MYO5C: variants seen among roughly 807,000 people sequenced by gnomAD.
MYO5C encodes myosin VC.
In MYO5C, 194 loss-of-function variants were observed where a neutral mutation model predicts 235.7. That is an observed-to-expected ratio of 0.82 (90% CI 0.73 to 0.93). MYO5C has a LOEUF of 0.93. Among genes scored for constraint, MYO5C ranks in the 40% least tolerant of loss-of-function variants. The probability of loss-of-function intolerance (pLI) is 0.00; values close to 1 mark genes in which losing one functional copy is unlikely to be tolerated. For missense variants in MYO5C, 2,038 were observed against 2,127.2 expected, an observed-to-expected ratio of 0.96 and a Z score of 0.82; for synonymous variants, 707 against 754.8, an observed-to-expected ratio of 0.94 and a Z score of 1.04.
chr15:52,271,847 G>A lies in MYO5C; in HGVS notation c.751-3C>T. ...TGGTAATTTCGTTCATTTTCCGACT[G>A]TAAGATAAAGAAATGTCCTCAAAAT... On this transcript the variant is annotated splice_polypyrimidine_tract_variant and splice_region_variant and intron_variant, in intron 6 of 40. Transcript: ENST00000261839. The A allele has an allele frequency of 6.3e-7, 1 of 1,577,512 alleles. No homozygotes were observed. Among genetic ancestry groups the A allele is most frequent in the Non-Finnish European group, 8.7e-7 (1 of 1,154,636 alleles).
intron 20 of MYO5C, 97 bp downstream of exon 20, chr15:52,241,951 A>T: frequency 7.6e-7 from 1 of 1,321,788 alleles, no homozygotes; most frequent in Non-Finnish European, 1.0e-6. Flanking sequence ...GTACAAAGTG[A>T]GGTTGCCCAT....
intron 31 of MYO5C, among the ~76,000 whole-genome samples, chr15:52,219,063 G>T (rs768029156): frequency 2.0e-5 from 3 of 152,228 alleles, no homozygotes; most frequent in African/African-American, 4.8e-5. Context: ...TCAGACAGAA[G>T]AGAGGAGGAG....
chr15:52,216,814 G>A (rs1173131608), intron 32 of MYO5C, among the ~76,000 whole-genome samples: 1 of 152,090 alleles, frequency 6.6e-6, no homozygotes, highest in Non-Finnish European at 1.5e-5. Flanking sequence ...TACAATTTAG[G>A]GTGGGCTGTA....
intron 23 of MYO5C, among the ~76,000 whole-genome samples, chr15:52,234,279 G>A (rs1405605501): frequency 6.6e-6 from 1 of 152,244 alleles, no homozygotes; most frequent in Admixed American, 6.5e-5. Flanking sequence ...GTAAAGGTTG[G>A]TGCTATTCAC....
chr15:52,224,841 T>C (rs2035782799), intron 28 of MYO5C, 60 bp downstream of exon 28: 6 of 1,441,750 alleles, frequency 4.2e-6, no homozygotes, highest in Non-Finnish European at 4.8e-6. Context: ...CTTTGGACTT[T>C]CCAATAGTCT....
At chr15:52,264,741 T>C (rs1027378120) in intron 8 of MYO5C, among the ~76,000 whole-genome samples, 2 of 152,222 alleles carry the variant, frequency 1.3e-5, no homozygotes, top group Admixed American at 6.5e-5. Context: ...GGACTTGGTA[T>C]AAACCAAGGC....
chr15:52,223,703 C>A lies in MYO5C; in HGVS notation c.3468G>T (p.Gln1156His). ...CCTTTTCATAGCAATCCTTCTGAGACTGGAAATGGCTCTCCAAAACACTAT... is the reference window on the plus strand; with the variant it reads ...CCTTTTCATAGCAATCCTTCTGAGAATGGAAATGGCTCTCCAAAACACTAT... ...KATRVLESHF[Q>H]SQKDCYEKEI... The change falls in exon 29 of 41, where the codon CAG becomes CAT. Residue 1156 changes from glutamine (Q) to histidine (H), a missense_variant. Gln to His is a conservative substitution (Grantham distance 24). Transcript: ENST00000261839. 2 of 1,613,938 alleles carry A rather than the reference C, an allele frequency of 1.2e-6. No homozygotes were observed. Among genetic ancestry groups the A allele is most frequent in the Middle Eastern group, 3.3e-4 (2 of 6,062 alleles).
chr15:52,241,921 T>G (rs2036233156), intron 20 of MYO5C, 127 bp downstream of exon 20: 1 of 1,087,080 alleles, frequency 9.2e-7, no homozygotes, highest in Non-Finnish European at 1.3e-6. Context: ...GAATCTCCTT[T>G]CTGGCTTGGC....
intron 32 of MYO5C, among the ~76,000 whole-genome samples, chr15:52,216,344 A>T (rs2035551638): frequency 6.6e-6 from 1 of 152,164 alleles, no homozygotes. Flanking sequence ...CCTCCTGAGT[A>T]GCCAGAGCTA....
At chr15:52,269,421 CTT>C (rs1414195074) in intron 8 of MYO5C, among the ~76,000 whole-genome samples, 1 of 108,292 alleles carries the variant, frequency 9.2e-6, no homozygotes, top group African/African-American at 3.5e-5. Context: ...AAGAGAGAGT[CTT>C]GATCTGTTGC....
At chr15:52,246,103 CA>C in intron 16 of MYO5C, 61 bp from the exon 17 acceptor site, 1 of 1,326,438 alleles carries the variant, frequency 7.5e-7, no homozygotes, top group South Asian at 1.2e-5. Flanking sequence ...TGCCCATAAA[CA>C]GGCACAGCAG....
intron 38 of MYO5C, among the ~76,000 whole-genome samples, chr15:52,203,282 T>C (rs138703587): frequency 1.4e-3 from 216 of 152,000 alleles, no homozygotes; most frequent in African/African-American, 5.0e-3. Context: ...GAGAATAGGG[T>C]ATCCATTTCC....
At position 52,247,604 on chromosome 15, in the gene MYO5C, A is replaced by C. The variant is rs773902006; in HGVS notation, c.1747-12T>G. Reference sequence around the variant, plus strand: ...GCACAGAGATGAAACTGGAAGGAACAGAGAGGATCTCAATGTCCAAAAGCA... The same window carrying C: ...GCACAGAGATGAAACTGGAAGGAACCGAGAGGATCTCAATGTCCAAAAGCA... On this transcript the variant is annotated splice_polypyrimidine_tract_variant and intron_variant, in intron 14 of 40. Transcript: ENST00000261839. 1.2e-6 allele frequency: 2 copies of C among 1,613,720 alleles called. No homozygotes were observed. The highest frequency in any genetic ancestry group is 1.7e-6 in the Non-Finnish European group (2 of 1,179,860).
chr15:52,251,586 A>G, intron 12 of MYO5C, 71 bp from the exon 13 acceptor site: 1 of 1,297,172 alleles, frequency 7.7e-7, no homozygotes. Context: ...AAAAGCACTA[A>G]TTCTAAGAAA....
In MYO5C at chr15:52,229,215, T is replaced by C. The variant is rs1450445712; in HGVS notation, c.3125A>G (p.Gln1042Arg). 5.0e-6 allele frequency: 8 copies of C among 1,614,138 alleles called. No individual in the cohort carries two copies. The Admixed American group carries it at 1.2e-4, about 24-fold the overall frequency. The stretch of plus-strand genomic sequence containing the variant: ...CTCCCCCTCCACCAGGTGTTGGAGT[T>C]GCATCTTCTCATCCTTGAGAGCTTT... ...EIKALKDEKMQLQHLVEGEHV... is the reference protein window; with the variant it reads ...EIKALKDEKMRLQHLVEGEHV... Residue 1042 changes from glutamine to arginine, a missense_variant, in exon 25 of 41, where the codon CAA becomes CGA. Transcript: ENST00000261839.
rs561628879 is a variant in MYO5C at position 52,245,328 on chromosome 15, T to C, written c.2178+26A>G. 3 of 1,447,992 alleles carry C rather than the reference T, an allele frequency of 2.1e-6. No homozygotes were observed. In the South Asian group the frequency reaches 3.4e-5, roughly 17 times the overall value. The allele number at this position is 1,447,992 out of a possible 1,614,324, so 89.7% of individuals were successfully genotyped here. ...AGATGTGCTTCCAGGAAGGAGACCA[T>C]GATCCCAGGAGGTGGGGAAACTGAC... On this transcript the variant is annotated intron_variant, in intron 18 of 40. Transcript: ENST00000261839.
At chr15:52,251,012 C>T (rs4316698) in intron 13 of MYO5C, 151,129 of 155,482 alleles carry the variant, frequency 0.97, 73,610 homozygotes, top group East Asian at 1. Flanking sequence ...TATGTTGCCA[C>T]TGTAATATAG....
Position 52,193,773 on chromosome 15 carries a change from C to T in MYO5C, c.*129G>A. ...CACTGTGAGTGAGAGATGATGTGGT[C>T]CATTTGAGAAAAGTCTGTTTTCTTC... On this transcript the variant is annotated 3_prime_UTR_variant, in exon 41 of 41. Transcript: ENST00000261839. 2.2e-6 allele frequency: 2 copies of T among 926,644 alleles called. No homozygotes were observed. The highest frequency in any genetic ancestry group is 3.2e-6 in the Non-Finnish European group (2 of 615,418). 57.4% of individuals were successfully genotyped at this position (926,644 alleles called of 1,614,324 possible).
At chr15:52,286,681 C>A (rs1596235859) in intron 1 of MYO5C, among the ~76,000 whole-genome samples, 1 of 152,094 alleles carries the variant, frequency 6.6e-6, no homozygotes, top group African/African-American at 2.4e-5. Context: ...TGTGTCCACT[C>A]AGGGTTAAAT....
Sources: allele counts gnomAD v4.1 joint callset (sites outside exome capture counted in the v4.1 genomes callset), GRCh38; gene constraint gnomAD v4.1.1; transcripts MANE v1.5; gene names NCBI Gene and HGNC (gene_info 2026-07-23, HGNC 2026-07-21).